The following GAB4 variants were observed in gnomAD, a reference collection of about 807,000 sequenced individuals.
GAB4 encodes the protein GRB2-associated-binding protein 4.
GAB4 carries 26 observed loss-of-function variants against 51.3 expected under a neutral mutation model. The ratio of observed to expected loss-of-function variants is 0.51; its 90% CI spans 0.37 to 0.70. The LOEUF (loss-of-function observed/expected upper bound fraction) is 0.70. Ranked by LOEUF, GAB4 falls within the 30% of genes least tolerant of loss-of-function variation. The pLI is 0.00. For missense variants in GAB4, 759 were observed against 734.6 expected, an observed-to-expected ratio of 1.03 and a Z score of -0.38; for synonymous variants, 329 against 291.2, an observed-to-expected ratio of 1.13 and a Z score of -1.32.
chr22:16,962,831 G>C lies in GAB4; in HGVS notation c.1627C>G (p.Gln543Glu), dbSNP rs777401214. Reference sequence around the variant, plus strand: ...GCCTGGGTCTTCTCCAGATCCACCTGGACATAGTCCACCTTCTTGCCGGAC... The same window carrying C: ...GCCTGGGTCTTCTCCAGATCCACCTCGACATAGTCCACCTTCTTGCCGGAC... ...VTSGKKVDYV[Q>E]VDLEKTQALQ... The change falls in exon 10 of 10, where the codon CAG becomes GAG. Residue 543 changes from glutamine to glutamate, a missense_variant. Coordinates refer to ENST00000400588, the MANE Select transcript of GAB4 (RefSeq NM_001037814.1). 1.2e-6 allele frequency: 2 copies of C among 1,613,636 alleles called. No individual in the cohort carries two copies. Among genetic ancestry groups the C allele is most frequent in the Non-Finnish European group, 1.7e-6 (2 of 1,179,824 alleles).
rs577235201 is a variant in GAB4, at chr22:16,974,443, C to T, written c.687-4250G>A. Among the ~76,000 whole-genome samples, 3 of 152,334 alleles carry T rather than the reference C, an allele frequency of 2.0e-5. No homozygotes were observed. The South Asian group carries it at 6.2e-4, about 32-fold the overall frequency. ...CACTAAAGCACTAGTGTGCAGGGTG[C>T]TTCCTGGAGTCAACAAGCAGTTTGG... On this transcript the variant is annotated intron_variant, in intron 3 of 9. Transcript: ENST00000400588.
At position 16,962,890 on chromosome 22, in the gene GAB4, G is replaced by A. The variant is rs1408098384; in HGVS notation, c.1582-14C>T. ...GCCTATGGATGGCTGAGGGACAGAG[G>A]GTGGAAGTGGGAGTGGCAGTGTCTG... On this transcript the variant is annotated splice_polypyrimidine_tract_variant and intron_variant, in intron 9 of 9. Coordinates refer to ENST00000400588, the MANE Select transcript of GAB4 (RefSeq NM_001037814.1). The A allele has an allele frequency of 1.2e-6, 2 of 1,606,692 alleles. No individual in the cohort carries two copies. Among genetic ancestry groups the A allele is most frequent in the African/African-American group, 1.3e-5 (1 of 74,940 alleles).
chr22:16,985,022 C>G (rs1383471639), intron 3 of GAB4, among the ~76,000 whole-genome samples: 1 of 152,206 alleles, frequency 6.6e-6, no homozygotes, highest in Non-Finnish European at 1.5e-5. Flanking sequence ...AGTCCACACC[C>G]TGCCTCCTTT....
intron 3 of GAB4, among the ~76,000 whole-genome samples, chr22:16,973,766 C>A (rs540765867): frequency 6.6e-4 from 100 of 152,256 alleles, no homozygotes; most frequent in African/African-American, 2.3e-3. Flanking sequence ...GTGTGAGTCT[C>A]CCCACTCCCA....
At chr22:16,975,903 C>G (rs2060773729) in intron 3 of GAB4, among the ~76,000 whole-genome samples, 1 of 152,112 alleles carries the variant, frequency 6.6e-6, no homozygotes, top group Admixed American at 6.5e-5. Context: ...GAGTGGACCT[C>G]CAGCAAACTC....
chr22:16,969,887 G>A (rs2060714672), intron 4 of GAB4, 56 bp downstream of exon 4: 1 of 1,605,164 alleles, frequency 6.2e-7, no homozygotes, highest in East Asian at 2.2e-5. Flanking sequence ...TGTTCACCAG[G>A]TGGCCCCCAA....
chr22:16,982,238 T>C (rs1360057723), intron 3 of GAB4, among the ~76,000 whole-genome samples: 1 of 152,158 alleles, frequency 6.6e-6, no homozygotes, highest in Non-Finnish European at 1.5e-5. Flanking sequence ...AGAAGTAAAA[T>C]TGTCCTTGTT....
chr22:16,972,521 T>TG (rs1468812473), intron 3 of GAB4, among the ~76,000 whole-genome samples: 1 of 152,112 alleles, frequency 6.6e-6, no homozygotes, highest in African/African-American at 2.4e-5. Flanking sequence ...TTCGGAAGGA[T>TG]GTCAAGGTGG....
intron 3 of GAB4, among the ~76,000 whole-genome samples, chr22:16,973,333 G>A (rs2060748998): frequency 6.6e-6 from 1 of 152,186 alleles, no homozygotes; most frequent in Admixed American, 6.5e-5. Context: ...ATAAATGTTT[G>A]CTGAAGGAAC....
At chr22:17,003,755 T>A (rs1356337992) in intron 1 of GAB4, among the ~76,000 whole-genome samples, 1 of 151,600 alleles carries the variant, frequency 6.6e-6, no homozygotes, top group East Asian at 1.9e-4. Context: ...CACCCTAACA[T>A]CAAAATTAAA....
chr22:16,972,263 C>A (rs1569094733), intron 3 of GAB4, among the ~76,000 whole-genome samples: 1 of 152,342 alleles, frequency 6.6e-6, no homozygotes, highest in East Asian at 1.9e-4. Flanking sequence ...CGGCTGCAGA[C>A]AGATCTGGAT....
At chr22:16,969,728 C>A in intron 4 of GAB4, 1 of 674,400 alleles carries the variant, frequency 1.5e-6, no homozygotes, top group Non-Finnish European at 2.6e-6. Flanking sequence ...GGCTGCCCCA[C>A]TGACATGCTT....
rs752832510 is a variant in GAB4, at chr22:16,962,687, G to T, written c.*46C>A. ...CAGAGCTTTAGAGTGTGGCGGAGCA[G>T]CTCTGAGGCACTGTCCTGGCCCCAC... On this transcript the variant is annotated 3_prime_UTR_variant, in exon 10 of 10. Transcript: ENST00000400588. The T allele has an allele frequency of 6.4e-7, 1 of 1,568,350 alleles. No homozygotes were observed. The highest frequency in any genetic ancestry group is 1.1e-5 in the South Asian group (1 of 87,902).
Position 16,964,930 on chromosome 22 carries a change from T to C in GAB4, c.1380-68A>G. On this transcript the variant is annotated intron_variant, in intron 7 of 9. Coordinates refer to ENST00000400588, the MANE Select transcript of GAB4 (RefSeq NM_001037814.1). ...CAGGGCTGCTGTCAGGGCTCCAGCC[T>C]CCAGCTGGGCCCTGACTTCAAGCAT... 2.5e-6 allele frequency: 3 copies of C among 1,219,732 alleles called. No homozygotes were observed. In the South Asian group the frequency reaches 3.9e-5, roughly 16 times the overall value. The allele number at this position is 1,219,732 out of a possible 1,614,324, so 75.6% of individuals were successfully genotyped here.
intron 3 of GAB4, among the ~76,000 whole-genome samples, chr22:16,982,823 G>A (rs1330154653): frequency 2.6e-5 from 4 of 152,164 alleles, no homozygotes; most frequent in East Asian, 3.9e-4. Context: ...AAAGAGTCTC[G>A]GAACATGTCC....
intron 1 of GAB4, 71 bp downstream of exon 1, chr22:17,007,869 TC>T: frequency 7.2e-6 from 10 of 1,396,636 alleles, no homozygotes; most frequent in South Asian, 1.4e-5. Context: ...CCAGGCCGCC[TC>T]CCCCACGCCC....
Position 16,968,382 on chromosome 22 carries a change from A to G in GAB4, c.939T>C (p.Ala313=), listed in dbSNP as rs752134109. The change falls in exon 5 of 10, where the codon GCT becomes GCC. Residue 313 remains alanine, a splice_region_variant and synonymous_variant. Coordinates refer to ENST00000400588, the MANE Select transcript of GAB4 (RefSeq NM_001037814.1). ...CATGCTGGGTGTACTTGCCGGAGGAAGCTACGACAGAGGAAGGAGATCCAC... is the reference window on the plus strand; with the variant it reads ...CATGCTGGGTGTACTTGCCGGAGGAGGCTACGACAGAGGAAGGAGATCCAC... The part of the protein sequence containing the change: ...SLTGSEADNE[A]SSGKYTQHGG... 1.2e-6 allele frequency: 2 copies of G among 1,612,858 alleles called. No homozygotes were observed. The highest frequency in any genetic ancestry group is 2.7e-5 in the African/African-American group (2 of 74,878).
intron 3 of GAB4, among the ~76,000 whole-genome samples, chr22:16,977,670 C>CAGA (rs1475856273): frequency 9.8e-5 from 15 of 152,292 alleles, no homozygotes; most frequent in African/African-American, 3.6e-4. Context: ...CTGGAACAAG[C>CAGA]AGACCTAACA....
chr22:17,004,061 T>C (rs1463628003), intron 1 of GAB4, among the ~76,000 whole-genome samples: 1 of 152,148 alleles, frequency 6.6e-6, no homozygotes, highest in Non-Finnish European at 1.5e-5. Context: ...GCAAATAAAC[T>C]AGGAAATTCA....
Sources: gnomAD v4.1 joint callset for allele counts (sites outside exome capture counted in the v4.1 genomes callset) on GRCh38, gnomAD v4.1.1 for gene constraint, MANE v1.5 for transcripts, NCBI Gene and HGNC (gene_info 2026-07-23, HGNC 2026-07-21) for gene names.